The following NBEAL1 variants were observed in gnomAD, a reference collection of about 807,000 sequenced individuals.
The protein encoded by NBEAL1 is neurobeachin-like protein 1.
NBEAL1 carries 273 observed loss-of-function variants against 351.3 expected under a neutral mutation model. That is an observed-to-expected ratio of 0.78 (90% CI 0.70 to 0.86). The LOEUF (loss-of-function observed/expected upper bound fraction) is 0.86, where lower values mean the gene tolerates loss of function less well. Among genes scored for constraint, NBEAL1 ranks in the 40% least tolerant of loss-of-function variants. The pLI, the probability that NBEAL1 is intolerant of heterozygous loss-of-function variation, is 0.00. For missense variants in NBEAL1, 2,961 were observed against 3,201.3 expected (o/e 0.92, Z 1.81); for synonymous variants, 1,050 against 1,086.4 (o/e 0.97, Z 0.66).
chr2:203,216,574 C>T (rs950731113), intron 55 of NBEAL1, among the ~76,000 whole-genome samples: 1 of 151,858 alleles, frequency 6.6e-6, no homozygotes, highest in Non-Finnish European at 1.5e-5. Flanking sequence ...GATCTCATCT[C>T]TACAAACAAA....
chr2:203,154,115 A>T (rs1575054342), intron 35 of NBEAL1, among the ~76,000 whole-genome samples: 1 of 148,846 alleles, frequency 6.7e-6, no homozygotes, highest in South Asian at 2.1e-4. Flanking sequence ...GTGCACCTGT[A>T]GTCCCAGATA....
chr2:203,166,697 C>T (rs992096037), intron 37 of NBEAL1, among the ~76,000 whole-genome samples: 2 of 151,952 alleles, frequency 1.3e-5, no homozygotes, highest in Non-Finnish European at 2.9e-5. Context: ...CAGGCATGTG[C>T]CACCACGCCC....
chr2:203,177,493 G>A (rs2064546726), intron 42 of NBEAL1, among the ~76,000 whole-genome samples: 1 of 152,034 alleles, frequency 6.6e-6, no homozygotes, highest in Non-Finnish European at 1.5e-5. Flanking sequence ...ATATGCAAAT[G>A]TTCAGTAAAC....
chr2:203,059,618 G>A (rs948117872), intron 6 of NBEAL1, among the ~76,000 whole-genome samples: 6 of 152,168 alleles, frequency 3.9e-5, no homozygotes, highest in African/African-American at 1.4e-4. Context: ...ACTACAGTGG[G>A]GCCAAGTTAA....
chr2:203,065,684 G>A (rs1358995569), intron 6 of NBEAL1, among the ~76,000 whole-genome samples: 4 of 152,038 alleles, frequency 2.6e-5, no homozygotes, highest in African/African-American at 7.2e-5. Context: ...CCCAGGAGGC[G>A]GAGCTTGCAG....
intron 8 of NBEAL1, among the ~76,000 whole-genome samples, chr2:203,080,989 A>G (rs998406656): frequency 1.4e-4 from 21 of 152,340 alleles, no homozygotes; most frequent in African/African-American, 4.6e-4. Flanking sequence ...GTCAAACCCC[A>G]GGAGACCTCC....
chr2:203,209,260 G>T lies in NBEAL1; in HGVS notation c.7723G>T (p.Ala2575Ser), dbSNP rs1182807621. ...TCTGTTCCTGACCATTCCTAATTTG[G>T]CTATATCTTGGGAAGGACATATTGT... Reference protein sequence around the residue: ...SSLFLTIPNLAISWEGHIVVY... With the variant: ...SSLFLTIPNLSISWEGHIVVY... The change falls in exon 53 of 56, where the codon GCT (alanine) becomes TCT (serine). Residue 2575 changes from alanine to serine, a missense_variant. By Grantham distance (99) the Ala-to-Ser change is moderately conservative. Transcript: ENST00000683969. The T allele has an allele frequency of 1.4e-5, 23 of 1,613,828 alleles. No individual in the cohort carries two copies. The highest frequency in any genetic ancestry group is 1.7e-5 in the Non-Finnish European group (20 of 1,179,814).
chr2:203,107,439 T>C lies in NBEAL1; in HGVS notation c.1289T>C (p.Ile430Thr), dbSNP rs1288949400. ...PAAKEVFKER[I>T]GYTHMLEVLK... ...CCCTAGGAAGTATTTAAAGAAAGAA[T>C]TGGTTATACACATATGCTTGAAGTA... Residue 430 changes from isoleucine to threonine, a missense_variant, in exon 13 of 56, where the codon ATT becomes ACT. Coordinates refer to ENST00000683969, the MANE Select transcript of NBEAL1 (RefSeq NM_001378026.1). The C allele has an allele frequency of 6.5e-7, 1 of 1,544,812 alleles. No individual in the cohort carries two copies. The highest frequency in any genetic ancestry group is 1.2e-5 in the South Asian group (1 of 83,308).
chr2:203,164,002 G>A (rs1474868940), intron 36 of NBEAL1, among the ~76,000 whole-genome samples: 1 of 151,794 alleles, frequency 6.6e-6, no homozygotes, highest in Non-Finnish European at 1.5e-5. Flanking sequence ...CATATATTCT[G>A]TATACAAGAA....
chr2:203,214,234 T>G (rs1002480532), intron 55 of NBEAL1, among the ~76,000 whole-genome samples: 2 of 152,218 alleles, frequency 1.3e-5, no homozygotes, highest in African/African-American at 4.8e-5. Flanking sequence ...TCCAAATAAT[T>G]TGTGTTATTA....
chr2:203,058,661 G>A (rs2061445977), intron 6 of NBEAL1, among the ~76,000 whole-genome samples: 1 of 152,216 alleles, frequency 6.6e-6, no homozygotes, highest in African/African-American at 2.4e-5. Context: ...TCTTGCTGGA[G>A]TGATGCTGAT....
At chr2:203,170,109 G>T (rs973604431) in intron 39 of NBEAL1, among the ~76,000 whole-genome samples, 8 of 152,058 alleles carry the variant, frequency 5.3e-5, no homozygotes, top group African/African-American at 1.9e-4. Flanking sequence ...AGTGGCTCAC[G>T]CCTGTAATCC....
At chr2:203,106,797 T>C (rs1207778184) in intron 12 of NBEAL1, among the ~76,000 whole-genome samples, 1 of 152,224 alleles carries the variant, frequency 6.6e-6, no homozygotes, top group African/African-American at 2.4e-5. Flanking sequence ...TGGGGCACTT[T>C]AGTATGTTCT....
chr2:203,080,941 A>G (rs1474960421), intron 8 of NBEAL1, among the ~76,000 whole-genome samples: 1 of 152,166 alleles, frequency 6.6e-6, no homozygotes, highest in Non-Finnish European at 1.5e-5. Flanking sequence ...TCTCTTTTCG[A>G]AAACACAGAG....
Position 203,016,230 on chromosome 2 carries a change from C to G in NBEAL1, c.-155C>G. ...GCTGAAATTGCCTTTTTGTTTTTAA[C>G]CAGAGGACAGTCCATTTGTTTCACT... On this transcript the variant is annotated 5_prime_UTR_variant, in exon 2 of 56. Coordinates refer to ENST00000683969, the MANE Select transcript of NBEAL1 (RefSeq NM_001378026.1). The G allele has an allele frequency of 4.6e-6, 2 of 432,452 alleles. No individual in the cohort carries two copies. The highest frequency in any genetic ancestry group is 8.1e-6 in the Non-Finnish European group (2 of 246,514). 26.8% of individuals were successfully genotyped at this position (432,452 alleles called of 1,614,324 possible). A position where few individuals can be genotyped will look rare whatever the true frequency, so the allele number is the denominator to read the frequency against.
chr2:203,054,163 C>T (rs1312659127), intron 4 of NBEAL1, among the ~76,000 whole-genome samples: 1 of 152,130 alleles, frequency 6.6e-6, no homozygotes, highest in Non-Finnish European at 1.5e-5. Context: ...CAGTGGCTCA[C>T]GCCTGTAATC....
chr2:203,112,172 G>A lies in NBEAL1; in HGVS notation c.2202+74G>A, dbSNP rs1402002305. 3.5e-6 allele frequency: 5 copies of A among 1,443,004 alleles called. No individual in the cohort carries two copies. The African/African-American group carries it at 4.3e-5, about 13-fold the overall frequency. 89.4% of individuals were successfully genotyped at this position (1,443,004 alleles called of 1,614,324 possible). ...TTGAAATGTTTTAGTTAAGGTAGAA[G>A]GTTATGTTTATTGTAAATATGTGGC... is the stretch of plus-strand genomic sequence containing the variant. On this transcript the variant is annotated intron_variant, in intron 16 of 55. Transcript: ENST00000683969.
intron 31 of NBEAL1, among the ~76,000 whole-genome samples, chr2:203,139,391 T>C (rs1200217029): frequency 3.9e-5 from 6 of 152,044 alleles, no homozygotes; most frequent in Non-Finnish European, 5.9e-5. Flanking sequence ...GATAAGATTT[T>C]CACAGCTATT....
chr2:203,082,634 T>C (rs2061893204), intron 8 of NBEAL1, among the ~76,000 whole-genome samples: 1 of 152,166 alleles, frequency 6.6e-6, no homozygotes, highest in African/African-American at 2.4e-5. Flanking sequence ...TTTAAATCAG[T>C]TGTGATGGAT....
Sources: allele counts gnomAD v4.1 joint callset (sites outside exome capture counted in the v4.1 genomes callset), GRCh38; gene constraint gnomAD v4.1.1; transcripts MANE v1.5; gene names NCBI Gene and HGNC (gene_info 2026-07-23, HGNC 2026-07-21).